The following PAMR1 variants were observed in gnomAD, a reference collection of about 807,000 sequenced individuals.
The protein encoded by PAMR1 is peptidase domain containing associated with muscle regeneration 1, also known as inactive serine protease PAMR1.
In PAMR1, 88 loss-of-function variants were observed where a neutral mutation model predicts 81.8. That is an observed-to-expected ratio of 1.08 (90% CI 0.91 to 1.28). The LOEUF is 1.28. PAMR1 is among the 50% of genes most tolerant of loss of function. The pLI is 0.00. For missense variants in PAMR1, 935 were observed against 919.7 expected (o/e 1.02, Z -0.21); for synonymous variants, 336 against 345.3 (o/e 0.97, Z 0.30).
chr11:35,512,312 C>T (rs1360933572), intron 1 of PAMR1, among the ~76,000 whole-genome samples: 1 of 152,156 alleles, frequency 6.6e-6, no homozygotes, highest in Non-Finnish European at 1.5e-5. Context: ...CATACCAGCT[C>T]ATTATATTCT....
chr11:35,467,580 A>G (rs557871062), intron 6 of PAMR1, among the ~76,000 whole-genome samples: 1 of 152,354 alleles, frequency 6.6e-6, no homozygotes, highest in Non-Finnish European at 1.5e-5. Flanking sequence ...TACCACCCTC[A>G]TTGCAGGGCT....
chr11:35,463,339 G>A (rs958460535), intron 6 of PAMR1, among the ~76,000 whole-genome samples: 31 of 152,294 alleles, frequency 2.0e-4, no homozygotes, highest in African/African-American at 6.7e-4. Context: ...GCTCCAAGGC[G>A]TGTCAGAGCC....
chr11:35,528,245 TTTATAAAAG>T (rs1851421462), upstream of PAMR1, among the ~76,000 whole-genome samples: 1 of 152,148 alleles, frequency 6.6e-6, no homozygotes, highest in South Asian at 2.1e-4. Flanking sequence ...CAGACTTGAA[TTTATAAAAG>T]TATAGTGTCT....
chr11:35,445,326 C>T (rs966932367), intron 6 of PAMR1, among the ~76,000 whole-genome samples: 2 of 152,158 alleles, frequency 1.3e-5, no homozygotes, highest in African/African-American at 4.8e-5. Context: ...TCTGAATACA[C>T]TTTATTTCTT....
At chr11:35,487,648 T>C (rs1850535533) in intron 3 of PAMR1, among the ~76,000 whole-genome samples, 1 of 152,192 alleles carries the variant, frequency 6.6e-6, no homozygotes, top group South Asian at 2.1e-4. Flanking sequence ...AAACCTTTGG[T>C]ACTTTCAAGC....
At chr11:35,470,513 G>A (rs889112188) in intron 5 of PAMR1, 88 bp downstream of exon 5, 4 of 998,532 alleles carry the variant, frequency 4.0e-6, no homozygotes, top group Non-Finnish European at 6.3e-6. Flanking sequence ...TTTTAATAAG[G>A]ATGAGAGGAA....
At chr11:35,489,350 T>C (rs1375969866) in intron 3 of PAMR1, among the ~76,000 whole-genome samples, 1 of 152,156 alleles carries the variant, frequency 6.6e-6, no homozygotes, top group South Asian at 2.1e-4. Context: ...AAAGGCAAAC[T>C]CTTGAGATTC....
At chr11:35,456,452 A>G (rs1590333461) in intron 6 of PAMR1, among the ~76,000 whole-genome samples, 1 of 152,222 alleles carries the variant, frequency 6.6e-6, no homozygotes, top group Non-Finnish European at 1.5e-5. Context: ...AAACGGAACC[A>G]AATTCTAATT....
At chr11:35,483,299 A>G (rs183764257) in intron 3 of PAMR1, among the ~76,000 whole-genome samples, 131 of 152,260 alleles carry the variant, frequency 8.6e-4, no homozygotes, top group Middle Eastern at 6.8e-3. Context: ...CTGTGACTAC[A>G]AGACTGGGAA....
At chr11:35,443,677 G>A (rs1003758625) in intron 6 of PAMR1, among the ~76,000 whole-genome samples, 2 of 152,178 alleles carry the variant, frequency 1.3e-5, no homozygotes, top group Non-Finnish European at 2.9e-5. Context: ...ACATACATGT[G>A]CATGTATCTT....
rs1421740286 is a variant in PAMR1 at position 35,468,024 on chromosome 11, T to G, written c.797A>C (p.Tyr266Ser). Residue 266 changes from tyrosine (Y) to serine (S), a missense_variant, in exon 6 of 11, where the codon TAT becomes TCT. Tyr to Ser is a moderately radical substitution (Grantham distance 144). Transcript: ENST00000619888. ...ACGATTTTCACAGCGCTGCCCAGTA[T>G]AGCCTGCCAAGCAGGCACACTTGTA... The part of the protein sequence containing the change: ...GSYKCACLAG[Y>S]TGQRCENLLE... 2.6e-6 allele frequency: 4 copies of G among 1,560,418 alleles called. No homozygotes were observed.
At chr11:35,484,560 G>A (rs1034569596) in intron 3 of PAMR1, among the ~76,000 whole-genome samples, 5 of 152,166 alleles carry the variant, frequency 3.3e-5, no homozygotes, top group Non-Finnish European at 7.4e-5. Context: ...CTCAGGAATC[G>A]GCCTGCACAA....
intron 1 of PAMR1, among the ~76,000 whole-genome samples, chr11:35,509,300 A>G (rs1399734901): frequency 6.6e-6 from 1 of 152,246 alleles, no homozygotes; most frequent in African/African-American, 2.4e-5. Context: ...GACATTTTAA[A>G]ATTCAATAAA....
chr11:35,529,910 T>A (rs775794789), upstream of PAMR1: 3 of 152,220 alleles, frequency 2.0e-5, no homozygotes, highest in African/African-American at 7.2e-5. Flanking sequence ...TAATACCCAC[T>A]AATTTTCACA....
At chr11:35,510,380 CCCA>C (rs905670951) in intron 1 of PAMR1, among the ~76,000 whole-genome samples, 2 of 152,196 alleles carry the variant, frequency 1.3e-5, no homozygotes, top group African/African-American at 4.8e-5. Flanking sequence ...ATGACATGTA[CCCA>C]CCATTAGAGT....
At chr11:35,482,883 T>G (rs1850424381) in intron 3 of PAMR1, among the ~76,000 whole-genome samples, 1 of 152,226 alleles carries the variant, frequency 6.6e-6, no homozygotes, top group Non-Finnish European at 1.5e-5. Context: ...GCTCATTGAT[T>G]TGGTGAATTT....
intron 1 of PAMR1, among the ~76,000 whole-genome samples, chr11:35,502,299 C>A (rs561595023): frequency 6.6e-6 from 1 of 151,828 alleles, no homozygotes; most frequent in Non-Finnish European, 1.5e-5. Flanking sequence ...CAACATGTGC[C>A]GGTTTGTTAC....
At chr11:35,529,507 A>G (rs1165218102), upstream of PAMR1, among the ~76,000 whole-genome samples, 1 of 152,190 alleles carries the variant, frequency 6.6e-6, no homozygotes, top group African/African-American at 2.4e-5. Context: ...CTAATGTTGA[A>G]TGCAGATGGA....
At chr11:35,493,333 A>G (rs2135400976) in intron 2 of PAMR1, among the ~76,000 whole-genome samples, 1 of 152,302 alleles carries the variant, frequency 6.6e-6, no homozygotes, top group African/African-American at 2.4e-5. Context: ...ACTTTGAAGC[A>G]CAGTTTGCAA....
Sources: gnomAD v4.1 joint callset for allele counts (sites outside exome capture counted in the v4.1 genomes callset) on GRCh38, gnomAD v4.1.1 for gene constraint, MANE v1.5 for transcripts, NCBI Gene and HGNC (gene_info 2026-07-23, HGNC 2026-07-21) for gene names.